The following DLGAP2 variants were observed in gnomAD, a reference collection of about 807,000 sequenced individuals.
DLGAP2 encodes the protein DLG associated protein 2.
A neutral mutation model predicts 100.3 loss-of-function variants in DLGAP2; 26 were observed. That is an observed-to-expected ratio of 0.26 (90% CI 0.19 to 0.36). DLGAP2 has a LOEUF of 0.36. Among genes scored for constraint, DLGAP2 ranks in the 10% least tolerant of loss-of-function variants. DLGAP2 has a pLI of 1.00. For synonymous variants in DLGAP2, 886 were observed against 630.1 expected (o/e 1.41, Z -6.08); for missense variants, 1,858 against 1,453.2 (o/e 1.28, Z -4.53).
intron 2 of DLGAP2, among the ~76,000 whole-genome samples, chr8:922,886 A>G (rs937328391): frequency 1.4e-4 from 21 of 152,200 alleles, no homozygotes; most frequent in African/African-American, 4.6e-4. Context: ...TGCACAAATA[A>G]TGAAAGAAAA....
chr8:1,654,739 T>G (rs1485294580), intron 8 of DLGAP2, among the ~76,000 whole-genome samples: 2 of 152,180 alleles, frequency 1.3e-5, no homozygotes, highest in Non-Finnish European at 2.9e-5. Context: ...CAAACTATGT[T>G]GCTGATATGT....
At chr8:823,511 C>G (rs184520627) in intron 1 of DLGAP2, among the ~76,000 whole-genome samples, 1 of 152,070 alleles carries the variant, frequency 6.6e-6, no homozygotes, top group Non-Finnish European at 1.5e-5. Context: ...CAGAAGATAA[C>G]TTGTTAAAAA....
intron 2 of DLGAP2, among the ~76,000 whole-genome samples, chr8:928,884 G>C (rs895796155): frequency 6.6e-6 from 1 of 151,910 alleles, no homozygotes; most frequent in Admixed American, 6.6e-5. Context: ...TTACACCAGG[G>C]TAGGGGCAGG....
intron 3 of DLGAP2, among the ~76,000 whole-genome samples, chr8:1,310,762 A>T (rs996035694): frequency 2.0e-5 from 3 of 152,082 alleles, no homozygotes; most frequent in African/African-American, 7.2e-5. Context: ...GGTTCAGGCA[A>T]TTCTCCTGCC....
intron 6 of DLGAP2, among the ~76,000 whole-genome samples, chr8:1,570,772 G>T (rs536273198): frequency 1.0e-3 from 157 of 151,400 alleles, no homozygotes; most frequent in Admixed American, 1.3e-3. Flanking sequence ...TGAACTGCGG[G>T]GGTGTCTGAT....
intron 4 of DLGAP2, among the ~76,000 whole-genome samples, chr8:1,515,465 TGTA>T (rs1800337300): frequency 6.7e-6 from 1 of 149,578 alleles, no homozygotes; most frequent in Admixed American, 6.6e-5. Context: ...TGAAAACAAT[TGTA>T]GACATGCAAA....
intron 3 of DLGAP2, among the ~76,000 whole-genome samples, chr8:1,427,315 T>C (rs984305961): frequency 1.3e-5 from 2 of 152,202 alleles, no homozygotes; most frequent in Non-Finnish European, 2.9e-5. Context: ...ACAAATGTAA[T>C]ATGATAAATA....
In DLGAP2 at chr8:1,021,728, G is replaced by A. The variant is rs529239821; in HGVS notation, c.73+113762G>A. ...CCCTGGGAAAGGTGGGGGACCCAGT[G>A]TCTCCTCCCACCACATCTTCTGCCC... On this transcript the variant is annotated intron_variant, in intron 2 of 14. Transcript: ENST00000637795. Among the ~76,000 whole-genome samples the A allele has an allele frequency of 2.0e-5, 3 of 152,288 alleles. No homozygotes were observed. The South Asian group carries it at 6.2e-4, about 32-fold the overall frequency.
rs751141539 is a variant in DLGAP2, at chr8:1,174,262, C to CA, written c.74-84588dup. ...GTGATAAGTCTACCCACATACCCAT[C>CA]ACCACCATCACCACCATCATCACCA... On this transcript the variant is annotated intron_variant, in intron 2 of 14. Transcript: ENST00000637795. Among the ~76,000 whole-genome samples, 5 of 152,200 alleles carry CA rather than the reference C, an allele frequency of 3.3e-5. No homozygotes were observed. In the South Asian group the frequency reaches 1.0e-3, roughly 32 times the overall value.
chr8:1,026,403 G>A (rs1369829941), intron 2 of DLGAP2, among the ~76,000 whole-genome samples: 2 of 152,152 alleles, frequency 1.3e-5, no homozygotes, highest in African/African-American at 4.8e-5. Flanking sequence ...CTTTGTGGAC[G>A]AGGACGCCCG....
At chr8:1,320,128 A>G (rs1800861437) in intron 3 of DLGAP2, among the ~76,000 whole-genome samples, 1 of 152,010 alleles carries the variant, frequency 6.6e-6, no homozygotes, top group Non-Finnish European at 1.5e-5. Flanking sequence ...GGTGAGGAAG[A>G]GGAGGGCTGA....
chr8:1,029,302 C>T lies in DLGAP2; in HGVS notation c.73+121336C>T, dbSNP rs148569334. ...GGCTGTCTTGGATGGGATATTAGGG[C>T]GAGAAGAGTACAACCTGGGACAAAT... On this transcript the variant is annotated intron_variant, in intron 2 of 14. Coordinates refer to ENST00000637795, the MANE Select transcript of DLGAP2 (RefSeq NM_001346810.2). 4.9e-3 allele frequency among the ~76,000 whole-genome samples: 744 copies of T among 152,174 alleles called. 3 individuals carry two copies. The highest frequency in any genetic ancestry group is 6.8e-3 in the African/African-American group (281 of 41,526).
intron 3 of DLGAP2, among the ~76,000 whole-genome samples, chr8:1,409,061 C>G (rs1219971669): frequency 2.0e-5 from 3 of 152,176 alleles, no homozygotes; most frequent in Non-Finnish European, 2.9e-5. Flanking sequence ...CTGCCCAACC[C>G]CTTCCTCACT....
intron 1 of DLGAP2, among the ~76,000 whole-genome samples, chr8:839,258 A>G (rs1796937930): frequency 6.6e-6 from 1 of 152,194 alleles, no homozygotes; most frequent in African/African-American, 2.4e-5. Flanking sequence ...AATTGCACTC[A>G]GTGTGTTGAG....
chr8:1,704,802 C>G lies in DLGAP2; in HGVS notation c.*3396C>G, dbSNP rs149014947. 9.9e-5 allele frequency: 15 copies of G among 151,922 alleles called. No homozygotes were observed. The highest frequency in any genetic ancestry group is 3.6e-4 in the African/African-American group (15 of 41,450). The allele number at this position is 151,922 out of a possible 1,614,324, so 9.4% of individuals were successfully genotyped here. On this transcript the variant is annotated 3_prime_UTR_variant, in exon 15 of 15. Coordinates refer to ENST00000637795, the MANE Select transcript of DLGAP2 (RefSeq NM_001346810.2). ...AAAAAAAAGCCTACAAACTCAGTGA[C>G]CTACTACGCAGAGGGAATTTTTCCC... is the stretch of plus-strand genomic sequence containing the variant.
At chr8:857,002 G>A (rs995423064) in intron 1 of DLGAP2, among the ~76,000 whole-genome samples, 1 of 152,198 alleles carries the variant, frequency 6.6e-6, no homozygotes, top group African/African-American at 2.4e-5. Context: ...AGACAGTGTG[G>A]CACTGGTAAA....
intron 3 of DLGAP2, among the ~76,000 whole-genome samples, chr8:1,488,673 G>T (rs1466402604): frequency 6.6e-6 from 1 of 152,202 alleles, no homozygotes; most frequent in Non-Finnish European, 1.5e-5. Context: ...CATCCATGCT[G>T]CCACGGAGTA....
rs377735485 is a variant in DLGAP2 at position 1,565,671 on chromosome 8, G to T, written c.1231-12G>T. The T allele has an allele frequency of 1.4e-5, 23 of 1,605,128 alleles. No individual in the cohort carries two copies. The highest frequency in any genetic ancestry group is 1.3e-4 in the South Asian group (12 of 89,928). On this transcript the variant is annotated splice_polypyrimidine_tract_variant and intron_variant, in intron 5 of 14. Coordinates refer to ENST00000637795, the MANE Select transcript of DLGAP2 (RefSeq NM_001346810.2). ...CAAAGTTGATGCGTGTTTCATGTCT[G>T]TCTGCTCCCAGGTACCTCAGGATGA...
intron 2 of DLGAP2, among the ~76,000 whole-genome samples, chr8:914,552 C>G (rs1798552115): frequency 6.6e-6 from 1 of 152,168 alleles, no homozygotes; most frequent in Non-Finnish European, 1.5e-5. Flanking sequence ...AAATGTGACC[C>G]CCTGGGGAAA....
Sources: gnomAD v4.1 joint callset for allele counts (sites outside exome capture counted in the v4.1 genomes callset) on GRCh38, gnomAD v4.1.1 for gene constraint, MANE v1.5 for transcripts, NCBI Gene and HGNC (gene_info 2026-07-23, HGNC 2026-07-21) for gene names.